The following EYS variants were observed in gnomAD, a reference collection of about 807,000 sequenced individuals.
The protein encoded by EYS is protein eyes shut homolog.
Under a neutral mutation model 282.1 loss-of-function variants are expected in EYS, and 250 were observed. That is an observed-to-expected ratio of 0.89 (90% CI 0.80 to 0.98). The LOEUF (loss-of-function observed/expected upper bound fraction) is 0.98. EYS is among the 50% of genes least tolerant of loss of function. EYS has a pLI of 0.00. For missense variants in EYS, 4,016 were observed against 3,709.0 expected (o/e 1.08, Z -2.15); for synonymous variants, 1,355 against 1,282.9 (o/e 1.06, Z -1.20).
chr6:65,112,656 G>T (rs1775245735), intron 12 of EYS, among the ~76,000 whole-genome samples: 1 of 152,076 alleles, frequency 6.6e-6, no homozygotes, highest in Admixed American at 6.5e-5. Flanking sequence ...TAGAAGGAGA[G>T]ATTTCCTTAA....
intron 31 of EYS, among the ~76,000 whole-genome samples, chr6:64,167,458 T>A (rs1764326275): frequency 6.6e-6 from 1 of 152,014 alleles, no homozygotes; most frequent in Non-Finnish European, 1.5e-5. Flanking sequence ...CTTTTTTTCT[T>A]TCAAATTTAG....
chr6:65,311,318 G>A (rs1229536039), intron 11 of EYS, among the ~76,000 whole-genome samples: 2 of 152,100 alleles, frequency 1.3e-5, no homozygotes, highest in South Asian at 2.1e-4. Context: ...GTTAAAGGAG[G>A]ATAAGTGAGT....
chr6:64,330,784 T>C (rs1770615977), intron 29 of EYS, among the ~76,000 whole-genome samples: 1 of 152,160 alleles, frequency 6.6e-6, no homozygotes, highest in Non-Finnish European at 1.5e-5. Context: ...AACCCTAGGA[T>C]GTTAAGATAT....
At chr6:65,010,788 A>C (rs1256798869) in intron 13 of EYS, among the ~76,000 whole-genome samples, 2 of 152,238 alleles carry the variant, frequency 1.3e-5, no homozygotes, top group Non-Finnish European at 2.9e-5. Flanking sequence ...CTCCATGCCC[A>C]TGCAGCAATA....
chr6:64,401,611 C>T (rs948641869), intron 28 of EYS, among the ~76,000 whole-genome samples: 8 of 151,570 alleles, frequency 5.3e-5, no homozygotes, highest in African/African-American at 1.9e-4. Flanking sequence ...CAAATTACCC[C>T]ATATATCTAC....
chr6:64,523,059 T>C (rs1442940668), intron 26 of EYS, among the ~76,000 whole-genome samples: 10 of 150,792 alleles, frequency 6.6e-5, no homozygotes, highest in South Asian at 2.1e-4. Flanking sequence ...GTTTTTTTTT[T>C]CCCCCTACAG....
At chr6:65,517,310 A>G (rs1202902388) in intron 2 of EYS, among the ~76,000 whole-genome samples, 1 of 149,266 alleles carries the variant, frequency 6.7e-6, no homozygotes, top group African/African-American at 2.5e-5. Flanking sequence ...TAACAAAAGT[A>G]TTTTGGAATC....
At chr6:65,566,087 G>A (rs1191009302) in intron 2 of EYS, among the ~76,000 whole-genome samples, 5 of 109,580 alleles carry the variant, frequency 4.6e-5, no homozygotes, top group African/African-American at 1.5e-4. Flanking sequence ...TCCCAGAACT[G>A]AAAGTATTAA....
At chr6:64,800,085 T>C (rs1348210180) in intron 22 of EYS, among the ~76,000 whole-genome samples, 4 of 152,012 alleles carry the variant, frequency 2.6e-5, no homozygotes, top group Non-Finnish European at 4.4e-5. Context: ...AAAACTTTTA[T>C]GGATAAAGAG....
chr6:65,424,600 T>G (rs1767592615), intron 5 of EYS, among the ~76,000 whole-genome samples: 1 of 152,056 alleles, frequency 6.6e-6, no homozygotes, highest in African/African-American at 2.4e-5. Context: ...ATTTTACCAA[T>G]CAGTACACAA....
At chr6:63,902,551 C>T (rs1016242992) in intron 35 of EYS, among the ~76,000 whole-genome samples, 5 of 151,184 alleles carry the variant, frequency 3.3e-5, no homozygotes, top group Non-Finnish European at 5.9e-5. Flanking sequence ...TTTTGGGTTA[C>T]AACATATAAA....
chr6:64,862,800 A>AT (rs1355205171), intron 19 of EYS, among the ~76,000 whole-genome samples: 1 of 152,108 alleles, frequency 6.6e-6, no homozygotes, highest in Non-Finnish European at 1.5e-5. Context: ...TTTTCTGCTA[A>AT]TTTACATTGT....
In EYS at chr6:64,742,814, C is replaced by T. The variant is rs1357110877; in HGVS notation, c.3443+70564G>A. On this transcript the variant is annotated intron_variant, in intron 22 of 42. Coordinates refer to ENST00000503581, the MANE Select transcript of EYS (RefSeq NM_001142800.2). ...TTCAGGACCTCAGAGGGAATGGCTC[C>T]ATGATGCACACAGGGAGCTTAATCG... Among the ~76,000 whole-genome samples the T allele has an allele frequency of 3.3e-5, 5 of 152,114 alleles. No homozygotes were observed. The East Asian group carries it at 9.7e-4, about 29-fold the overall frequency.
At chr6:63,916,959 G>C (rs765897497) in intron 35 of EYS, among the ~76,000 whole-genome samples, 1 of 152,192 alleles carries the variant, frequency 6.6e-6, no homozygotes, top group Non-Finnish European at 1.5e-5. Flanking sequence ...GAGAGGACAC[G>C]GAATGTTTCA....
intron 35 of EYS, among the ~76,000 whole-genome samples, chr6:63,949,103 G>A (rs1361720170): frequency 6.6e-6 from 1 of 152,090 alleles, no homozygotes; most frequent in African/African-American, 2.4e-5. Context: ...AACAGAAAAT[G>A]AAATTGACAC....
chr6:64,368,051 A>C (rs1772238002), intron 29 of EYS, among the ~76,000 whole-genome samples: 1 of 152,034 alleles, frequency 6.6e-6, no homozygotes, highest in African/African-American at 2.4e-5. Flanking sequence ...CCAGGTAATA[A>C]GCGTAGTATC....
chr6:65,273,971 G>A (rs1767973444), intron 12 of EYS, among the ~76,000 whole-genome samples: 1 of 152,068 alleles, frequency 6.6e-6, no homozygotes, highest in Non-Finnish European at 1.5e-5. Flanking sequence ...CTAACTTCAG[G>A]AGACATAAAA....
At chr6:64,213,746 A>G (rs1420738976) in intron 31 of EYS, among the ~76,000 whole-genome samples, 1 of 152,170 alleles carries the variant, frequency 6.6e-6, no homozygotes, top group Non-Finnish European at 1.5e-5. Context: ...AGCATTTCAA[A>G]TGATCTAAAT....
intron 16 of EYS, among the ~76,000 whole-genome samples, chr6:64,911,005 C>T (rs9294630): frequency 0.59 from 89,981 of 151,634 alleles, 26,742 homozygotes; most frequent in African/African-American, 0.63. Context: ...ACTTAGCCTA[C>T]TTATACTCTC....
Sources: allele counts gnomAD v4.1 joint callset (sites outside exome capture counted in the v4.1 genomes callset), GRCh38; gene constraint gnomAD v4.1.1; transcripts MANE v1.5; gene names NCBI Gene and HGNC (gene_info 2026-07-23, HGNC 2026-07-21).